Variants in ARHGAP32 observed in about 807,000 individuals in gnomAD.
ARHGAP32 encodes the protein Rho GTPase activating protein 32.
In ARHGAP32, 51 loss-of-function variants were observed where a neutral mutation model predicts 186.5. The observed-to-expected ratio is 0.27, with a 90% CI of 0.22 to 0.35. The LOEUF is 0.35. ARHGAP32 is among the 10% of genes least tolerant of loss of function. The pLI is 1.00. For missense variants in ARHGAP32, 2,186 were observed against 2,623.5 expected (o/e 0.83, Z 3.64); for synonymous variants, 950 against 964.3 (o/e 0.99, Z 0.27).
At chr11:129,003,508 G>C (rs1000368764) in intron 11 of ARHGAP32, among the ~76,000 whole-genome samples, 1 of 152,142 alleles carries the variant, frequency 6.6e-6, no homozygotes, top group African/African-American at 2.4e-5. Context: ...AAGCCATTGA[G>C]TCCTGGGCTT....
Position 128,986,048 on chromosome 11 carries a change from A to G in ARHGAP32, c.1481T>C (p.Ile494Thr), listed in dbSNP as rs1196518679. ...VSAATDEERLIKIHDVIQQLP... is the reference protein window; with the variant it reads ...VSAATDEERLTKIHDVIQQLP... The stretch of plus-strand genomic sequence containing the variant: ...CTGCTGGATGACATCGTGGATTTTT[A>G]TCAGCCTTTCTTCATCTGTTGCTGC... The change falls in exon 15 of 23, where the codon ATA (isoleucine) becomes ACA (threonine). Residue 494 changes from isoleucine to threonine, a missense_variant. Transcript: ENST00000682385. 6.2e-7 allele frequency: 1 copy of G among 1,607,878 alleles called. No homozygotes were observed. Among genetic ancestry groups the G allele is most frequent in the East Asian group, 2.3e-5 (1 of 44,054 alleles).
intron 1 of ARHGAP32, among the ~76,000 whole-genome samples, chr11:129,263,618 G>A (rs1164435393): frequency 7.1e-6 from 1 of 141,488 alleles, no homozygotes; most frequent in East Asian, 2.3e-4. Flanking sequence ...GGGGAGCGGG[G>A]AGAGGGGGAG....
At chr11:129,033,569 T>C (rs1188064913) in intron 11 of ARHGAP32, among the ~76,000 whole-genome samples, 2 of 152,244 alleles carry the variant, frequency 1.3e-5, no homozygotes, top group African/African-American at 4.8e-5. Flanking sequence ...CCTTTCACTG[T>C]CTTAAGGGCA....
chr11:129,016,913 T>G (rs1188187063), intron 11 of ARHGAP32, among the ~76,000 whole-genome samples: 2 of 152,360 alleles, frequency 1.3e-5, no homozygotes, highest in South Asian at 2.1e-4. Context: ...TTTCCTTTCA[T>G]AAAAGTCTTA....
intron 11 of ARHGAP32, among the ~76,000 whole-genome samples, chr11:129,001,132 T>C (rs981352474): frequency 2.6e-5 from 4 of 152,214 alleles, no homozygotes; most frequent in Non-Finnish European, 4.4e-5. Flanking sequence ...TTCCTTTCTT[T>C]TGGGTATATA....
At chr11:129,102,352 T>C (rs1285464470) in intron 5 of ARHGAP32, among the ~76,000 whole-genome samples, 1 of 152,106 alleles carries the variant, frequency 6.6e-6, no homozygotes, top group Non-Finnish European at 1.5e-5. Context: ...CACATATCAC[T>C]ACTAACCTTG....
At chr11:129,220,987 C>A (rs1276742899) in intron 1 of ARHGAP32, among the ~76,000 whole-genome samples, 2 of 151,950 alleles carry the variant, frequency 1.3e-5, no homozygotes, top group Non-Finnish European at 2.9e-5. Flanking sequence ...GAGAGGGTAT[C>A]ATTATTTATT....
intron 1 of ARHGAP32, among the ~76,000 whole-genome samples, chr11:129,171,977 T>A (rs188259233): frequency 6.6e-6 from 1 of 152,170 alleles, no homozygotes; most frequent in Non-Finnish European, 1.5e-5. Context: ...TGCTTGCCTA[T>A]TGTTGACAAA....
intron 6 of ARHGAP32, among the ~76,000 whole-genome samples, chr11:129,083,424 AC>A (rs1250924309): frequency 6.6e-6 from 1 of 152,234 alleles, no homozygotes; most frequent in Non-Finnish European, 1.5e-5. Flanking sequence ...ATTCACAGCA[AC>A]CTGGATGGAG....
At chr11:129,193,725 T>TATATATA (rs1565465056), upstream of ARHGAP32, among the ~76,000 whole-genome samples, 2 of 54,124 alleles carry the variant, frequency 3.7e-5, no homozygotes, top group African/African-American at 6.4e-5. Context: ...TATTATATAT[T>TATATATA]ATATATAATA....
intron 5 of ARHGAP32, among the ~76,000 whole-genome samples, chr11:129,112,151 G>A (rs566543591): frequency 2.6e-4 from 39 of 152,140 alleles, no homozygotes; most frequent in African/African-American, 9.4e-4. Flanking sequence ...GCTGAGACAG[G>A]AGAATTGTTT....
Position 129,244,686 on chromosome 11 carries a change from G to A in ARHGAP32, c.-5+34460C>T, listed in dbSNP as rs899221295. On this transcript the variant is annotated intron_variant, in intron 1 of 6. Transcript: ENST00000525234. ...ACCTACAAAATGGGAGAAAATTTTC[G>A]CAACCTACTCATCTGACAAAGGGCT... Among the ~76,000 whole-genome samples the A allele has an allele frequency of 6.4e-3, 970 of 151,736 alleles. 11 individuals are homozygous for A. The highest frequency in any genetic ancestry group is 0.022 in the African/African-American group (922 of 41,352).
intron 6 of ARHGAP32, among the ~76,000 whole-genome samples, chr11:129,070,083 T>C (rs371011721): frequency 6.6e-6 from 1 of 152,132 alleles, no homozygotes; most frequent in East Asian, 1.9e-4. Context: ...AGAGAAAGAA[T>C]GAGAACAGCA....
intron 2 of ARHGAP32, among the ~76,000 whole-genome samples, chr11:129,130,844 A>G (rs535182242): frequency 6.6e-6 from 1 of 152,292 alleles, no homozygotes; most frequent in South Asian, 2.1e-4. Context: ...CCAAATATGT[A>G]TCCCCCTAAA....
rs1945252251 is a variant in ARHGAP32, at chr11:128,967,751, G to A, written c.*1156C>T. On this transcript the variant is annotated 3_prime_UTR_variant, in exon 23 of 23. Coordinates refer to ENST00000682385, the MANE Select transcript of ARHGAP32 (RefSeq NM_001378024.1). ...AATAACTGCCCAGAACTCCACTGGT[G>A]AAACGGGGCTGTGAACTAAGCAGTT... is the stretch of plus-strand genomic sequence containing the variant. The A allele has an allele frequency of 6.6e-6, 1 of 152,186 alleles. No individual in the cohort carries two copies. The highest frequency in any genetic ancestry group is 1.5e-5 in the Non-Finnish European group (1 of 68,030). 9.4% of individuals were successfully genotyped at this position (152,186 alleles called of 1,614,324 possible).
chr11:129,236,606 C>T (rs1944939027), intron 1 of ARHGAP32, among the ~76,000 whole-genome samples: 2 of 152,154 alleles, frequency 1.3e-5, no homozygotes, highest in African/African-American at 4.8e-5. Flanking sequence ...GTCTTTGCAT[C>T]CTGAAACTCT....
chr11:129,133,302 TC>T (rs1942859164), intron 2 of ARHGAP32, among the ~76,000 whole-genome samples: 1 of 152,130 alleles, frequency 6.6e-6, no homozygotes, highest in South Asian at 2.1e-4. Flanking sequence ...GCTCTAACAC[TC>T]ATGTCTTCGA....
At chr11:128,997,033 A>G (rs1946220326) in intron 12 of ARHGAP32, among the ~76,000 whole-genome samples, 1 of 151,982 alleles carries the variant, frequency 6.6e-6, no homozygotes, top group Non-Finnish European at 1.5e-5. Context: ...CCTGCCTCAG[A>G]CTCCCAAAGT....
intron 1 of ARHGAP32, among the ~76,000 whole-genome samples, chr11:129,184,903 C>T (rs1944127937): frequency 6.6e-6 from 1 of 152,040 alleles, no homozygotes; most frequent in Non-Finnish European, 1.5e-5. Context: ...TACTTAAGAA[C>T]GTATCAGGCA....
Sources: gnomAD v4.1 joint callset for allele counts (sites outside exome capture counted in the v4.1 genomes callset) on GRCh38, gnomAD v4.1.1 for gene constraint, MANE v1.5 for transcripts, NCBI Gene and HGNC (gene_info 2026-07-23, HGNC 2026-07-21) for gene names.